Variants in SLC24A3 observed in about 807,000 individuals in gnomAD.
SLC24A3 encodes solute carrier family 24 member 3.
Under a neutral mutation model 75.8 loss-of-function variants are expected in SLC24A3, and 28 were observed. The observed-to-expected ratio is 0.37, with a 90% CI of 0.27 to 0.51. The LOEUF is 0.51. SLC24A3 is among the 20% of genes least tolerant of loss of function. The probability of loss-of-function intolerance (pLI) is 0.94; values close to 1 mark genes in which losing one functional copy is unlikely to be tolerated. For missense variants in SLC24A3, 663 were observed against 847.8 expected (o/e 0.78, Z 2.71); for synonymous variants, 372 against 334.1 (o/e 1.11, Z -1.24).
chr20:19,506,176 C>T (rs933975778), intron 2 of SLC24A3, among the ~76,000 whole-genome samples: 1 of 152,192 alleles, frequency 6.6e-6, no homozygotes, highest in African/African-American at 2.4e-5. Flanking sequence ...CCCTCAGGCT[C>T]TTGTAAAATG....
At chr20:19,463,704 C>T (rs1369713688) in intron 2 of SLC24A3, among the ~76,000 whole-genome samples, 1 of 152,198 alleles carries the variant, frequency 6.6e-6, no homozygotes, top group African/African-American at 2.4e-5. Flanking sequence ...TTCTGGGCCA[C>T]ATGTGCGGAT....
At chr20:19,687,207 G>T (rs976603430) in intron 12 of SLC24A3, among the ~76,000 whole-genome samples, 7 of 152,160 alleles carry the variant, frequency 4.6e-5, no homozygotes, top group African/African-American at 1.7e-4. Flanking sequence ...GTTCATTGCG[G>T]CTGTGCAGGT....
intron 12 of SLC24A3, among the ~76,000 whole-genome samples, chr20:19,692,022 T>C (rs1449482230): frequency 6.6e-6 from 1 of 152,154 alleles, no homozygotes; most frequent in Non-Finnish European, 1.5e-5. Flanking sequence ...CCAGAAATAA[T>C]GTTAGATACT....
chr20:19,475,317 C>A (rs920736928), intron 2 of SLC24A3, among the ~76,000 whole-genome samples: 1 of 149,728 alleles, frequency 6.7e-6, no homozygotes. Flanking sequence ...CCAGCCTGGG[C>A]AACAGAGTGA....
intron 6 of SLC24A3, among the ~76,000 whole-genome samples, chr20:19,589,896 T>G (rs2031350256): frequency 6.6e-6 from 1 of 152,088 alleles, no homozygotes; most frequent in African/African-American, 2.4e-5. Context: ...AAGACTGAAT[T>G]TGAGCTCACA....
At chr20:19,587,860 G>A (rs1047406936) in intron 6 of SLC24A3, among the ~76,000 whole-genome samples, 1 of 152,206 alleles carries the variant, frequency 6.6e-6, no homozygotes, top group Admixed American at 6.5e-5. Context: ...TACATGGTAA[G>A]TCAGTCTCAG....
chr20:19,389,837 C>T (rs948880902), intron 2 of SLC24A3, among the ~76,000 whole-genome samples: 12 of 152,162 alleles, frequency 7.9e-5, no homozygotes, highest in Non-Finnish European at 2.9e-5. Context: ...CTTGCTCTTT[C>T]TGTGTTCCTT....
chr20:19,511,397 C>T (rs545464992), intron 2 of SLC24A3, among the ~76,000 whole-genome samples: 3 of 151,306 alleles, frequency 2.0e-5, no homozygotes, highest in South Asian at 2.1e-4. Context: ...GCGTGATCTC[C>T]GCTCACTGCA....
chr20:19,229,188 A>C (rs1420532377), intron 1 of SLC24A3, among the ~76,000 whole-genome samples: 1 of 152,150 alleles, frequency 6.6e-6, no homozygotes, highest in Non-Finnish European at 1.5e-5. Context: ...TTTGTTCTGT[A>C]ATTGAGATCA....
intron 6 of SLC24A3, among the ~76,000 whole-genome samples, chr20:19,634,961 C>T (rs538611029): frequency 3.3e-5 from 5 of 152,232 alleles, no homozygotes; most frequent in East Asian, 1.9e-4. Flanking sequence ...CTTCACAGTG[C>T]GTATGTTTAG....
intron 2 of SLC24A3, among the ~76,000 whole-genome samples, chr20:19,471,241 C>T (rs1415035967): frequency 1.3e-5 from 2 of 152,168 alleles, no homozygotes; most frequent in Non-Finnish European, 2.9e-5. Flanking sequence ...GTGCACCTCT[C>T]GTCCATGAGA....
rs1259162438 is a variant in SLC24A3, at chr20:19,212,815, G to A, written c.-28G>A. On this transcript the variant is annotated 5_prime_UTR_variant, in exon 1 of 17. Coordinates refer to ENST00000328041, the MANE Select transcript of SLC24A3 (RefSeq NM_020689.4). ...CCCGCGACAGGAGCGGCCGCCGCCC[G>A]CCGAGGCCGCCGCCCGGCCGCCCGA... is the stretch of plus-strand genomic sequence containing the variant. 3 of 980,362 alleles carry A rather than the reference G, an allele frequency of 3.1e-6. No homozygotes were observed. The highest frequency in any genetic ancestry group is 3.6e-6 in the Non-Finnish European group (3 of 828,116). The allele number at this position is 980,362 out of a possible 1,614,324, so 60.7% of individuals were successfully genotyped here.
chr20:19,693,222 T>C, intron 12 of SLC24A3, 37 bp from the exon 13 acceptor site: 2 of 1,585,732 alleles, frequency 1.3e-6, no homozygotes, highest in Non-Finnish European at 1.7e-6. Context: ...TTTGTTATTT[T>C]TTTTTTATTT....
chr20:19,261,299 G>T (rs1405751164), intron 1 of SLC24A3, among the ~76,000 whole-genome samples: 1 of 152,168 alleles, frequency 6.6e-6, no homozygotes, highest in Non-Finnish European at 1.5e-5. Context: ...CAAGAAGGGG[G>T]ATGGGGACTT....
chr20:19,287,352 G>T (rs1332087724), intron 2 of SLC24A3, among the ~76,000 whole-genome samples: 1 of 152,238 alleles, frequency 6.6e-6, no homozygotes, highest in Non-Finnish European at 1.5e-5. Context: ...CATTGGCGGA[G>T]CTCAGTCACA....
intron 2 of SLC24A3, among the ~76,000 whole-genome samples, chr20:19,323,423 G>T (rs1306225505): frequency 1.3e-5 from 2 of 152,084 alleles, no homozygotes; most frequent in Admixed American, 1.3e-4. Context: ...GGACACACAG[G>T]TTTCAACTAT....
At chr20:19,669,569 A>T (rs1285709737) in intron 8 of SLC24A3, among the ~76,000 whole-genome samples, 1 of 152,152 alleles carries the variant, frequency 6.6e-6, no homozygotes, top group Non-Finnish European at 1.5e-5. Flanking sequence ...CCCACAGAGC[A>T]TTCCCGTGTT....
rs2032665465 is a variant in SLC24A3 at position 19,685,443 on chromosome 20, A to G, written c.1324+82A>G. 1.9e-6 allele frequency: 3 copies of G among 1,543,172 alleles called. No individual in the cohort carries two copies. In the Admixed American group the frequency reaches 5.9e-5, roughly 30 times the overall value. On this transcript the variant is annotated intron_variant, in intron 12 of 16. Transcript: ENST00000328041. ...TGCCCTTGACTTAGATTATCTTTTTACCATTCAATTTTTTAAAATCTCTGT... is the reference window on the plus strand; with the variant it reads ...TGCCCTTGACTTAGATTATCTTTTTGCCATTCAATTTTTTAAAATCTCTGT...
intron 7 of SLC24A3, among the ~76,000 whole-genome samples, chr20:19,655,948 C>T (rs565298097): frequency 6.6e-6 from 1 of 152,152 alleles, no homozygotes; most frequent in South Asian, 2.1e-4. Context: ...CTCTTAAGAG[C>T]CCTAACTAAT....
Sources: allele counts gnomAD v4.1 joint callset (sites outside exome capture counted in the v4.1 genomes callset), GRCh38; gene constraint gnomAD v4.1.1; transcripts MANE v1.5; gene names NCBI Gene and HGNC (gene_info 2026-07-23, HGNC 2026-07-21).